Variants in PCF11 observed in about 807,000 individuals in gnomAD.
PCF11 encodes the protein PCF11 cleavage and polyadenylation factor subunit.
In PCF11, 19 loss-of-function variants were observed where a neutral mutation model predicts 166.1. That is an observed-to-expected ratio of 0.11 (90% confidence interval 0.08 to 0.17). The LOEUF (loss-of-function observed/expected upper bound fraction) is 0.17, where lower values mean the gene tolerates loss of function less well. Ranked by LOEUF, PCF11 falls within the 10% of genes least tolerant of loss-of-function variation. The probability of loss-of-function intolerance (pLI) is 1.00; values close to 1 mark genes in which losing one functional copy is unlikely to be tolerated. For synonymous variants in PCF11, 663 were observed against 644.1 expected, an observed-to-expected ratio of 1.03 and a Z score of -0.44; for missense variants, 1,565 against 1,855.5, an observed-to-expected ratio of 0.84 and a Z score of 2.88.
At chr11:83,163,247 G>A (rs2135418962) in intron 2 of PCF11, among the ~76,000 whole-genome samples, 1 of 152,320 alleles carries the variant, frequency 6.6e-6, no homozygotes, top group African/African-American at 2.4e-5. Context: ...ATTAGTTAGT[G>A]AGATAGTTTT....
intron 2 of PCF11, among the ~76,000 whole-genome samples, chr11:83,161,660 T>C (rs1440914017): frequency 6.6e-6 from 1 of 152,206 alleles, no homozygotes; most frequent in Non-Finnish European, 1.5e-5. Flanking sequence ...ACATTATCCA[T>C]TTAAGAATAG....
At position 83,177,761 on chromosome 11, in the gene PCF11, CA is replaced by C; in HGVS notation, c.3929del (p.Asn1310MetfsTer17). 6.5e-7 allele frequency: 1 copy of C among 1,543,046 alleles called. No individual in the cohort carries two copies. Among genetic ancestry groups the C allele is most frequent in the Non-Finnish European group, 8.8e-7 (1 of 1,139,764 alleles). On this transcript the variant is annotated frameshift_variant, in exon 11 of 16. Transcript: ENST00000298281. LOFTEE classifies it high-confidence loss of function. The stretch of plus-strand genomic sequence containing the variant: ...GCCTCCCCCTGAAGAGGAGGAAGAT[CA>C]AAATGAAGATCAAGATGTTCCAGAT...
intron 5 of PCF11, 87 bp downstream of exon 5, chr11:83,166,801 G>C: frequency 9.0e-7 from 1 of 1,110,264 alleles, no homozygotes. Flanking sequence ...ATGTTTATTA[G>C]GTGCTATTAG....
chr11:83,166,241 A>G lies in PCF11; in HGVS notation c.1344A>G (p.Lys448=), dbSNP rs768243265. Residue 448 remains lysine, a synonymous_variant, in exon 5 of 16, where the codon AAA becomes AAG. Coordinates refer to ENST00000298281, the Ensembl canonical transcript of PCF11. Reference sequence around the variant, plus strand: ...ACAGACTGGCTGGAAGTAGAAATAAAATCATAAATGGCATTGTACAAAAAC... The same window carrying G: ...ACAGACTGGCTGGAAGTAGAAATAAGATCATAAATGGCATTGTACAAAAAC... The G allele has an allele frequency of 2.5e-6, 4 of 1,613,504 alleles. No homozygotes were observed. In the South Asian group the frequency reaches 4.4e-5, roughly 18 times the overall value.
exon 8 of PCF11, chr11:83,169,840 G>A: frequency 6.2e-7 from 1 of 1,613,468 alleles, no homozygotes; most frequent in African/African-American, 1.3e-5. Context: ...AAATTTTAAT[G>A]GACCACATGG....
In PCF11 at chr11:83,167,439, G is replaced by A. The variant is rs746652113; in HGVS notation, c.2026G>A (p.Glu676Lys). Reference sequence around the variant, plus strand: ...GACGAGTGAACGTTTAGCATCTGGTGAAATTACACAGGATGACTTCCTTGT... The same window carrying A: ...GACGAGTGAACGTTTAGCATCTGGTAAAATTACACAGGATGACTTCCTTGT... Residue 676 changes from glutamate to lysine, a missense_variant, in exon 7 of 16, where the codon GAA (glutamate) becomes AAA (lysine). Glu to Lys is a moderately conservative substitution (Grantham distance 56). Transcript: ENST00000298281. The surrounding 1 kb of genome is among the most constrained non-coding windows in gnomAD (Gnocchi z 4.2). 6.2e-7 allele frequency: 1 copy of A among 1,603,106 alleles called. No homozygotes were observed. Among genetic ancestry groups the A allele is most frequent in the Admixed American group, 1.7e-5 (1 of 57,316 alleles).
exon 10 of PCF11, chr11:83,177,126 G>A: frequency 6.3e-7 from 1 of 1,578,448 alleles, no homozygotes. Flanking sequence ...TCTCAGTCAG[G>A]TGGATGTAAA....
At chr11:83,179,624 C>T (rs1861014284) in intron 11 of PCF11, among the ~76,000 whole-genome samples, 1 of 152,108 alleles carries the variant, frequency 6.6e-6, no homozygotes, top group Non-Finnish European at 1.5e-5. Flanking sequence ...GTGATTTAGG[C>T]TGGGCGCAGT....
intron 4 of PCF11, among the ~76,000 whole-genome samples, chr11:83,165,210 A>G (rs752177896): frequency 3.3e-5 from 5 of 152,228 alleles, no homozygotes; most frequent in Non-Finnish European, 5.9e-5. Flanking sequence ...TAATAGCACC[A>G]CTTTGGGAGA....
chr11:83,183,559 C>T (rs550085769), intron 15 of PCF11, among the ~76,000 whole-genome samples: 8 of 152,126 alleles, frequency 5.3e-5, no homozygotes, highest in Admixed American at 6.5e-5. Context: ...GGCGCAATCT[C>T]GGCTCACTGC....
intron 13 of PCF11, among the ~76,000 whole-genome samples, 152 bp downstream of exon 13, chr11:83,182,161 C>T (rs1282628202): frequency 6.6e-6 from 1 of 152,202 alleles, no homozygotes; most frequent in Non-Finnish European, 1.5e-5. Flanking sequence ...CTCTTACAAT[C>T]TAGCTTTGAG....
intron 9 of PCF11, among the ~76,000 whole-genome samples, chr11:83,175,841 G>A (rs758868335): frequency 5.9e-5 from 9 of 152,210 alleles, no homozygotes; most frequent in Non-Finnish European, 1.0e-4. Context: ...TCACCAATGA[G>A]GATTCCTTAT....
chr11:83,157,804 T>C (rs930132797), intron 1 of PCF11, 173 bp downstream of exon 1: 3 of 623,720 alleles, frequency 4.8e-6, no homozygotes, highest in Non-Finnish European at 8.4e-6. Flanking sequence ...CATGGGCCTC[T>C]GGGGGGGAGG....
chr11:83,167,616 A>C lies in PCF11; in HGVS notation c.2092+111A>C. ...ATTAACCTACTATGAACATAAAGCA[A>C]AACTGAAAAGGACACAGGTTCAGCA... On this transcript the variant is annotated intron_variant, in intron 7 of 15. Transcript: ENST00000298281. This position sits in a 1 kb window ranked among gnomAD's most constrained non-coding sequence, Gnocchi z 4.2. The C allele has an allele frequency of 6.5e-7, 1 of 1,539,300 alleles. No homozygotes were observed. The highest frequency in any genetic ancestry group is 8.7e-7 in the Non-Finnish European group (1 of 1,144,806).
chr11:83,182,822 A>G (rs1861129321), intron 14 of PCF11, among the ~76,000 whole-genome samples: 1 of 152,204 alleles, frequency 6.6e-6, no homozygotes, highest in African/African-American at 2.4e-5. Context: ...GCTGAAAACA[A>G]AGCAAGTTAG....
chr11:83,183,058 T>C (rs769839503), exon 15 of PCF11: 1 of 1,472,912 alleles, frequency 6.8e-7, no homozygotes, highest in East Asian at 2.3e-5. Context: ...CATCATGTTA[T>C]GAAGATTATC....
Position 83,182,978 on chromosome 11 carries a change from A to G in PCF11, c.4417-60A>G. The G allele has an allele frequency of 5.3e-6, 5 of 952,338 alleles. No individual in the cohort carries two copies. In the South Asian group the frequency reaches 6.1e-5, roughly 12 times the overall value. The allele number at this position is 952,338 out of a possible 1,614,324, so 59.0% of individuals were successfully genotyped here. On this transcript the variant is annotated intron_variant, in intron 14 of 15. Transcript: ENST00000298281. ...TTCTGGCTTAAAGTTAAAAAGAAAT[A>G]TCAGAATAGCCCATTAGAAATGAAT...
intron 2 of PCF11, 128 bp downstream of exon 2, chr11:83,161,580 G>A (rs1860256061): frequency 6.4e-6 from 4 of 624,590 alleles, no homozygotes; most frequent in African/African-American, 1.9e-5. Context: ...TTTATCGTTA[G>A]TACCATTTCA....
At chr11:83,162,191 GA>G in intron 2 of PCF11, among the ~76,000 whole-genome samples, 1 of 152,212 alleles carries the variant, frequency 6.6e-6, no homozygotes, top group East Asian at 1.9e-4. Flanking sequence ...CTTTCACATT[GA>G]ACAAAAAGGC....
Sources: allele counts gnomAD v4.1 joint callset (sites outside exome capture counted in the v4.1 genomes callset), GRCh38; gene constraint gnomAD v4.1.1; non-coding constraint Gnocchi (gnomAD v3.1); transcripts MANE v1.5; gene names NCBI Gene and HGNC (gene_info 2026-07-23, HGNC 2026-07-21).